The following CACNA1E variants were observed in gnomAD, a reference collection of about 807,000 sequenced individuals.
CACNA1E encodes calcium voltage-gated channel subunit alpha1 E.
In CACNA1E, 40 loss-of-function variants were observed where a neutral mutation model predicts 259.2. That is an observed-to-expected ratio of 0.15 (90% CI 0.12 to 0.20). CACNA1E has a LOEUF of 0.20. Among genes scored for constraint, CACNA1E ranks in the 10% least tolerant of loss-of-function variants. The probability of loss-of-function intolerance (pLI) is 1.00; values close to 1 mark genes in which losing one functional copy is unlikely to be tolerated. For synonymous variants in CACNA1E, 1,104 were observed against 1,138.5 expected (o/e 0.97, Z 0.61); for missense variants, 1,874 against 3,040.1 (o/e 0.62, Z 9.02).
chr1:181,595,938 G>A (rs756180587), intron 6 of CACNA1E, among the ~76,000 whole-genome samples: 1 of 152,186 alleles, frequency 6.6e-6, no homozygotes, highest in African/African-American at 2.4e-5. Context: ...GTGACAGAGC[G>A]AAAAGGAAGG....
intron 7 of CACNA1E, among the ~76,000 whole-genome samples, chr1:181,662,687 G>A (rs921141422): frequency 6.6e-6 from 1 of 151,640 alleles, no homozygotes; most frequent in Admixed American, 6.6e-5. Flanking sequence ...TCTTTCTCAA[G>A]AGCCTGGTTT....
At chr1:181,674,261 C>T (rs1454436761) in intron 7 of CACNA1E, among the ~76,000 whole-genome samples, 7 of 150,270 alleles carry the variant, frequency 4.7e-5, no homozygotes, top group East Asian at 2.0e-4. Flanking sequence ...GGCATGGCAG[C>T]GTGCGCCTCT....
intron 43 of CACNA1E, among the ~76,000 whole-genome samples, chr1:181,789,130 A>G (rs1054256284): frequency 6.6e-6 from 1 of 152,210 alleles, no homozygotes; most frequent in Admixed American, 6.5e-5. Context: ...CAAAGTGCCG[A>G]GAGTACAGGT....
intron 3 of CACNA1E, among the ~76,000 whole-genome samples, chr1:181,557,554 C>T (rs1304922172): frequency 6.6e-6 from 1 of 152,226 alleles, no homozygotes; most frequent in Non-Finnish European, 1.5e-5. Context: ...TAATGAACTT[C>T]CTTTTCACCC....
At chr1:181,370,133 A>C (rs912133687) in intron 1 of CACNA1E, among the ~76,000 whole-genome samples, 4 of 152,190 alleles carry the variant, frequency 2.6e-5, no homozygotes, top group South Asian at 2.1e-4. Flanking sequence ...TTAAAAAAAA[A>C]CAAAATTAAA....
At chr1:181,777,222 T>C (rs1660047273) in intron 38 of CACNA1E, among the ~76,000 whole-genome samples, 1 of 152,242 alleles carries the variant, frequency 6.6e-6, no homozygotes, top group Non-Finnish European at 1.5e-5. Context: ...CCAAAGGAAC[T>C]GTTCTGTTCC....
rs1655751209 is a variant in CACNA1E at position 181,733,705 on chromosome 1, G to GCCATCC, written c.3220_3225dup (p.Ile1074_Pro1075dup). ...CACCGAGAGCACCAGCGTCACCGTC[G>GCCATCC]CCATCCCCGACGTGGACCCCTTGGT... On this transcript the variant is annotated inframe_insertion, in exon 21 of 48. Coordinates refer to ENST00000367573, the MANE Select transcript of CACNA1E (RefSeq NM_001205293.3). 4 of 1,589,662 alleles carry GCCATCC rather than the reference G, an allele frequency of 2.5e-6. No individual in the cohort carries two copies. The East Asian group carries it at 9.2e-5, about 36-fold the overall frequency.
chr1:181,654,558 G>A (rs2102081900), intron 7 of CACNA1E, among the ~76,000 whole-genome samples: 1 of 152,294 alleles, frequency 6.6e-6, no homozygotes, highest in East Asian at 1.9e-4. Context: ...GGAGTTGGAG[G>A]CAACGTGGAT....
intron 6 of CACNA1E, among the ~76,000 whole-genome samples, chr1:181,628,702 G>A (rs564108233): frequency 1.3e-5 from 2 of 152,302 alleles, no homozygotes; most frequent in East Asian, 3.9e-4. Flanking sequence ...CCGAAGTGTA[G>A]GCGGGCCTTT....
At position 181,680,311 on chromosome 1, in the gene CACNA1E, C is replaced by T. The variant is rs1572578406; in HGVS notation, c.1055+28870C>T. On this transcript the variant is annotated intron_variant, in intron 7 of 47. Transcript: ENST00000367573. The stretch of plus-strand genomic sequence containing the variant: ...TGTGGTTCCTATGTCCTTCTTGTGA[C>T]AGTGGCTAGGCACTTTCAAGGAGCC... Among the ~76,000 whole-genome samples, 3 of 152,166 alleles carry T rather than the reference C, an allele frequency of 2.0e-5. No homozygotes were observed. In the East Asian group the frequency reaches 5.8e-4, roughly 29 times the overall value.
rs372985552 is a variant in CACNA1E at position 181,366,238 on chromosome 1, G to C, written c.-14-46895G>C. 3.3e-5 allele frequency among the ~76,000 whole-genome samples: 5 copies of C among 152,176 alleles called. 1 individual carries two copies. In the East Asian group the frequency reaches 7.7e-4, roughly 23 times the overall value. The stretch of plus-strand genomic sequence containing the variant: ...AGCACCTCTCACACATGACCTCTGT[G>C]GTGTTGCATCCTTCCTTCCATCTCT... On this transcript the variant is annotated intron_variant, in intron 1 of 11. Coordinates refer to the CACNA1E transcript ENST00000524607.
In CACNA1E at chr1:181,803,593, G is replaced by T. The variant is rs551028841; in HGVS notation, c.*4759G>T. ...TCTGCTGTCTGTGGAGGGAGGGCTCGGCTGCAGACCTATGGTGTTTTGTCA... is the reference window on the plus strand; with the variant it reads ...TCTGCTGTCTGTGGAGGGAGGGCTCTGCTGCAGACCTATGGTGTTTTGTCA... On this transcript the variant is annotated 3_prime_UTR_variant, in exon 48 of 48. Coordinates refer to ENST00000367573, the MANE Select transcript of CACNA1E (RefSeq NM_001205293.3). The T allele has an allele frequency of 6.6e-6, 1 of 152,344 alleles. No individual in the cohort carries two copies. The highest frequency in any genetic ancestry group is 2.1e-4 in the South Asian group (1 of 4,826). 9.4% of individuals were successfully genotyped at this position (152,344 alleles called of 1,614,324 possible).
chr1:181,582,442 T>C (rs911836613), intron 6 of CACNA1E, among the ~76,000 whole-genome samples: 11 of 152,216 alleles, frequency 7.2e-5, no homozygotes, highest in Non-Finnish European at 1.5e-4. Flanking sequence ...GTGGCTGGTG[T>C]CACATGGAGG....
intron 6 of CACNA1E, among the ~76,000 whole-genome samples, chr1:181,628,339 T>C (rs182775140): frequency 2.0e-5 from 3 of 152,328 alleles, no homozygotes; most frequent in Non-Finnish European, 2.9e-5. Flanking sequence ...AAGGACTCTG[T>C]ATAATTAAAT....
At chr1:181,676,804 G>T (rs913408666) in intron 7 of CACNA1E, among the ~76,000 whole-genome samples, 16 of 152,120 alleles carry the variant, frequency 1.1e-4, no homozygotes, top group Non-Finnish European at 1.6e-4. Flanking sequence ...TAAGTTTTTA[G>T]CTTCTTTCAG....
chr1:181,378,088 G>A (rs2609491), intron 1 of CACNA1E, among the ~76,000 whole-genome samples: 16,603 of 152,246 alleles, frequency 0.11, 2,088 homozygotes, highest in African/African-American at 0.3. Flanking sequence ...GGGAGTAATT[G>A]ATAGAACTTA....
intron 3 of CACNA1E, among the ~76,000 whole-genome samples, chr1:181,534,509 T>C (rs1558097525): frequency 6.6e-6 from 1 of 152,050 alleles, no homozygotes; most frequent in Non-Finnish European, 1.5e-5. Flanking sequence ...CCACACAAAG[T>C]ATGGTATTCC....
rs1251276793 is a variant in CACNA1E at position 181,577,859 on chromosome 1, A to G, written c.606A>G (p.Ser202=). 6.2e-7 allele frequency: 1 copy of G among 1,605,876 alleles called. No homozygotes were observed. The highest frequency in any genetic ancestry group is 1.3e-5 in the African/African-American group (1 of 74,796). Residue 202 remains serine, a synonymous_variant, in exon 4 of 48, where the codon TCA becomes TCG. Coordinates refer to ENST00000367573, the MANE Select transcript of CACNA1E (RefSeq NM_001205293.3). Reference sequence around the variant, plus strand: ...TCCTGCGGCCTTTGAAGCTCGTGTCAGGGATACCTAGTGAGCATCTGCCAT... The same window carrying G: ...TCCTGCGGCCTTTGAAGCTCGTGTCGGGGATACCTAGTGAGCATCTGCCAT... ...VRVLRPLKLV[S]GIPSLQIVLK...
intron 3 of CACNA1E, among the ~76,000 whole-genome samples, chr1:181,546,151 A>G (rs1365951250): frequency 2.6e-5 from 4 of 152,230 alleles, no homozygotes; most frequent in Admixed American, 1.3e-4. Context: ...GATGTGTGCC[A>G]GGTCGTCAAG....
Sources: allele counts gnomAD v4.1 joint callset (sites outside exome capture counted in the v4.1 genomes callset), GRCh38; gene constraint gnomAD v4.1.1; transcripts MANE v1.5; gene names NCBI Gene and HGNC (gene_info 2026-07-23, HGNC 2026-07-21).